The following TTC28 variants were observed in gnomAD, a reference collection of about 807,000 sequenced individuals.
The protein encoded by TTC28 is tetratricopeptide repeat domain 28.
A neutral mutation model predicts 198.0 loss-of-function variants in TTC28; 61 were observed. The observed-to-expected ratio is 0.31, with a 90% CI of 0.25 to 0.38. The LOEUF (loss-of-function observed/expected upper bound fraction) is 0.38, where lower values mean the gene tolerates loss of function less well. Among genes scored for constraint, TTC28 ranks in the 10% least tolerant of loss-of-function variants. The pLI, the probability that TTC28 is intolerant of heterozygous loss-of-function variation, is 1.00. For synonymous variants in TTC28, 1,171 were observed against 1,297.8 expected (o/e 0.90, Z 2.10); for missense variants, 2,678 against 3,164.0 (o/e 0.85, Z 3.69).
At chr22:28,078,962 T>A (rs1941250099) in intron 12 of TTC28, among the ~76,000 whole-genome samples, 1 of 151,580 alleles carries the variant, frequency 6.6e-6, no homozygotes, top group Non-Finnish European at 1.5e-5. Context: ...AACTAGGAGG[T>A]GAAAGGAGGC....
At chr22:28,505,251 C>T (rs1346516938) in intron 2 of TTC28, among the ~76,000 whole-genome samples, 19 of 112,402 alleles carry the variant, frequency 1.7e-4, no homozygotes, top group African/African-American at 6.5e-4. Context: ...AGCGAGACTC[C>T]GTCTCAAAAA....
At chr22:28,026,692 A>G (rs1192919387) in intron 13 of TTC28, among the ~76,000 whole-genome samples, 1 of 152,132 alleles carries the variant, frequency 6.6e-6, no homozygotes, top group Non-Finnish European at 1.5e-5. Flanking sequence ...CACTAGAGGG[A>G]AGTTGCAGAG....
chr22:28,162,056 G>A (rs971202820), intron 6 of TTC28, among the ~76,000 whole-genome samples: 1 of 151,480 alleles, frequency 6.6e-6, no homozygotes, highest in Admixed American at 6.6e-5. Context: ...TGTGGTGCCA[G>A]GCACAGGGAT....
At chr22:28,528,646 G>A (rs192480299) in intron 2 of TTC28, among the ~76,000 whole-genome samples, 11 of 147,396 alleles carry the variant, frequency 7.5e-5, no homozygotes, top group African/African-American at 2.7e-4. Context: ...CAAGGCACGA[G>A]AACTGCTTGA....
chr22:28,364,205 G>C (rs1467398373), intron 2 of TTC28, among the ~76,000 whole-genome samples: 1 of 152,170 alleles, frequency 6.6e-6, no homozygotes, highest in Non-Finnish European at 1.5e-5. Context: ...CTGTTCTCAT[G>C]ATAGTAAATA....
At chr22:28,302,349 G>A (rs571247560) in intron 3 of TTC28, among the ~76,000 whole-genome samples, 15 of 152,266 alleles carry the variant, frequency 9.9e-5, no homozygotes, top group Admixed American at 2.6e-4. Context: ...TAGGTACTAC[G>A]TAGTGTTCCT....
intron 2 of TTC28, among the ~76,000 whole-genome samples, chr22:28,517,301 C>G (rs968420684): frequency 1.3e-5 from 2 of 152,046 alleles, no homozygotes; most frequent in African/African-American, 4.8e-5. Context: ...ATTGTTAGAG[C>G]TAAAGATAAA....
At chr22:28,252,198 C>A (rs1930561884) in intron 5 of TTC28, among the ~76,000 whole-genome samples, 1 of 152,180 alleles carries the variant, frequency 6.6e-6, no homozygotes, top group Non-Finnish European at 1.5e-5. Context: ...TTCCTATTAT[C>A]CAGGAGTAGC....
At chr22:28,069,747 T>A (rs536369115) in intron 12 of TTC28, among the ~76,000 whole-genome samples, 2 of 152,114 alleles carry the variant, frequency 1.3e-5, no homozygotes, top group Admixed American at 1.3e-4. Context: ...TATCTATCCC[T>A]TTTCAACCTA....
At chr22:28,631,772 C>A (rs888469751) in intron 1 of TTC28, among the ~76,000 whole-genome samples, 1 of 152,132 alleles carries the variant, frequency 6.6e-6, no homozygotes, top group Non-Finnish European at 1.5e-5. Context: ...GCAATACTCC[C>A]GCCTTGGCTT....
chr22:28,232,037 G>C (rs1374407006), intron 5 of TTC28, among the ~76,000 whole-genome samples: 1 of 152,186 alleles, frequency 6.6e-6, no homozygotes, highest in Non-Finnish European at 1.5e-5. Flanking sequence ...TGGAAGTCAG[G>C]TATTAGCTTT....
At chr22:28,353,538 C>G (rs528509723) in intron 2 of TTC28, among the ~76,000 whole-genome samples, 1 of 152,234 alleles carries the variant, frequency 6.6e-6, no homozygotes, top group South Asian at 2.1e-4. Context: ...GAAATAAAGC[C>G]ACACATATGG....
chr22:28,206,581 G>C (rs532628193), intron 5 of TTC28, among the ~76,000 whole-genome samples: 1 of 152,232 alleles, frequency 6.6e-6, no homozygotes, highest in African/African-American at 2.4e-5. Context: ...TGGTTAATAT[G>C]TCCCTTGTAG....
intron 2 of TTC28, among the ~76,000 whole-genome samples, chr22:28,365,621 G>T (rs1371944125): frequency 1.3e-5 from 2 of 152,178 alleles, no homozygotes; most frequent in African/African-American, 4.8e-5. Context: ...GCAAATGCTG[G>T]AAGAACAGAA....
intron 2 of TTC28, among the ~76,000 whole-genome samples, chr22:28,356,818 C>T (rs1259902835): frequency 6.6e-6 from 1 of 152,132 alleles, no homozygotes; most frequent in Non-Finnish European, 1.5e-5. Flanking sequence ...CCAGCACATG[C>T]TCCATTATCT....
At chr22:28,539,799 G>A (rs2049372128) in intron 2 of TTC28, among the ~76,000 whole-genome samples, 1 of 152,086 alleles carries the variant, frequency 6.6e-6, no homozygotes, top group South Asian at 2.1e-4. Flanking sequence ...AGGGCTGTGT[G>A]AGGCCGTTCT....
At chr22:28,357,315 ATTTTTTTT>A (rs11415868) in intron 2 of TTC28, among the ~76,000 whole-genome samples, 1 of 113,486 alleles carries the variant, frequency 8.8e-6, no homozygotes, top group Non-Finnish European at 1.7e-5. Context: ...CAAATTTCTT[ATTTTTTTT>A]TTTTTTTTTT....
At chr22:28,347,471 C>T (rs1601667926) in intron 2 of TTC28, among the ~76,000 whole-genome samples, 1 of 152,036 alleles carries the variant, frequency 6.6e-6, no homozygotes, top group East Asian at 1.9e-4. Flanking sequence ...ATTACTCATA[C>T]ACAATATAGA....
chr22:28,067,339 G>A (rs772879168), intron 12 of TTC28, among the ~76,000 whole-genome samples: 68 of 152,266 alleles, frequency 4.5e-4, no homozygotes, highest in Non-Finnish European at 7.6e-4. Context: ...AGAGGCCCAG[G>A]CATGTAGTAT....
Sources: gnomAD v4.1 joint callset for allele counts (sites outside exome capture counted in the v4.1 genomes callset) on GRCh38, gnomAD v4.1.1 for gene constraint, MANE v1.5 for transcripts, NCBI Gene and HGNC (gene_info 2026-07-23, HGNC 2026-07-21) for gene names.